The following GPHN variants were observed in gnomAD, a reference collection of about 807,000 sequenced individuals.
GPHN encodes gephyrin.
GPHN carries 17 observed loss-of-function variants against 95.5 expected under a neutral mutation model. That is an observed-to-expected ratio of 0.18 (90% CI 0.12 to 0.27). The LOEUF is 0.27. Among genes scored for constraint, GPHN ranks in the 10% least tolerant of loss-of-function variants. GPHN has a pLI of 1.00. For synonymous variants in GPHN, 320 were observed against 322.5 expected, an observed-to-expected ratio of 0.99 and a Z score of 0.08; for missense variants, 660 against 978.1, an observed-to-expected ratio of 0.67 and a Z score of 4.34.
the GPHN span, among the ~76,000 whole-genome samples, chr14:67,218,883 G>T: frequency 6.6e-6 from 1 of 152,026 alleles, no homozygotes; most frequent in Non-Finnish European, 1.5e-5. Flanking sequence ...GTGCAGCAGT[G>T]AGGGTTGGTT....
chr14:66,949,646 A>G (rs575690227), intron 8 of GPHN, among the ~76,000 whole-genome samples: 2 of 152,316 alleles, frequency 1.3e-5, no homozygotes, highest in South Asian at 4.1e-4. Context: ...CACTCTGATT[A>G]TTGTAAATTT....
the GPHN span, among the ~76,000 whole-genome samples, chr14:67,196,226 T>C: frequency 6.6e-6 from 1 of 151,080 alleles, no homozygotes; most frequent in Admixed American, 6.6e-5. Context: ...TTTCTTTCTT[T>C]TTTTTTTTTG....
chr14:67,220,509 A>G, the GPHN span, among the ~76,000 whole-genome samples: 1 of 152,188 alleles, frequency 6.6e-6, no homozygotes, highest in African/African-American at 2.4e-5. Flanking sequence ...CTAGTCTTTA[A>G]AATTTAAATT....
the GPHN span, among the ~76,000 whole-genome samples, chr14:67,456,510 G>A: frequency 1.3e-5 from 2 of 151,692 alleles, no homozygotes; most frequent in East Asian, 1.9e-4. Context: ...GCTGAGGCAG[G>A]AGAATCACTT....
the GPHN span, chr14:67,570,501 A>G: frequency 6.3e-6 from 1 of 158,952 alleles, no homozygotes; most frequent in Admixed American, 6.3e-5. Flanking sequence ...CAAAAGTGAA[A>G]TTTCCTCTCA....
rs41285536 is a variant in GPHN, at chr14:67,169,118, C to T, written c.2079+82C>T. On this transcript the variant is annotated intron_variant, in intron 21 of 22. Transcript: ENST00000478722. ...TGATTTCCTAACTGTCCAAAATAAA[C>T]ATCTAGAGTTTTCTATTAGTTTTGA... The T allele has an allele frequency of 0.029, 24,932 of 846,354 alleles. 473 individuals carry two copies. The highest frequency in any genetic ancestry group is 0.047 in the Middle Eastern group (217 of 4,582). The allele number at this position is 846,354 out of a possible 1,614,324, so 52.4% of individuals were successfully genotyped here.
At chr14:67,246,638 G>A in the GPHN span, among the ~76,000 whole-genome samples, 91 of 145,558 alleles carry the variant, frequency 6.3e-4, 1 homozygote, top group Non-Finnish European at 1.2e-3. Flanking sequence ...ACTGAGCCTG[G>A]CCTACTATAG....
the GPHN span, among the ~76,000 whole-genome samples, chr14:67,424,930 C>G: frequency 3.3e-5 from 5 of 152,198 alleles, no homozygotes; most frequent in African/African-American, 9.7e-5. Flanking sequence ...CAAGGCTGGT[C>G]CCTGGGAGGC....
the GPHN span, among the ~76,000 whole-genome samples, chr14:67,272,638 T>C: frequency 6.6e-6 from 1 of 152,166 alleles, no homozygotes. Context: ...AGATACTAAG[T>C]TCTACTGATT....
the GPHN span, among the ~76,000 whole-genome samples, chr14:67,455,988 C>T: frequency 1.3e-5 from 2 of 152,278 alleles, no homozygotes; most frequent in Admixed American, 6.5e-5. Flanking sequence ...AACTAAAGAG[C>T]TTCTACACAG....
intron 4 of GPHN, among the ~76,000 whole-genome samples, chr14:66,849,996 C>A (rs1043079272): frequency 2.6e-5 from 4 of 152,068 alleles, no homozygotes; most frequent in African/African-American, 9.7e-5. Context: ...AAAATACAAA[C>A]ACATTTCTTC....
At chr14:67,567,330 T>A in the GPHN span, among the ~76,000 whole-genome samples, 3 of 152,208 alleles carry the variant, frequency 2.0e-5, no homozygotes, top group African/African-American at 7.2e-5. Context: ...AAGCCCTTTT[T>A]TCAGTTAATC....
At chr14:66,946,121 A>G (rs1439148406) in intron 8 of GPHN, among the ~76,000 whole-genome samples, 3 of 152,170 alleles carry the variant, frequency 2.0e-5, no homozygotes, top group Admixed American at 6.5e-5. Context: ...GATACTTGAG[A>G]AATAATTTTT....
At chr14:66,830,213 C>CT (rs2061535274) in intron 4 of GPHN, among the ~76,000 whole-genome samples, 1 of 152,060 alleles carries the variant, frequency 6.6e-6, no homozygotes, top group African/African-American at 2.4e-5. Flanking sequence ...TATTTTCTCA[C>CT]TTTTACCTTT....
the GPHN span, among the ~76,000 whole-genome samples, chr14:67,342,691 A>C: frequency 1.3e-5 from 2 of 150,548 alleles, no homozygotes; most frequent in Admixed American, 1.3e-4. Flanking sequence ...TTAATATAAC[A>C]GTTAATATAT....
chr14:67,058,512 G>A, intron 10 of GPHN, 137 bp from the exon 11 acceptor site: 1 of 756,830 alleles, frequency 1.3e-6, no homozygotes, highest in Non-Finnish European at 2.3e-6. Context: ...GTATTTTGGA[G>A]GCAGGAGAAA....
intron 3 of GPHN, among the ~76,000 whole-genome samples, chr14:66,819,994 CTG>C (rs1220282591): frequency 6.6e-6 from 1 of 152,058 alleles, no homozygotes; most frequent in East Asian, 1.9e-4. Context: ...TTTGAAATAA[CTG>C]TTTTTTATTA....
the GPHN span, among the ~76,000 whole-genome samples, chr14:67,683,850 C>G: frequency 3.3e-5 from 5 of 152,204 alleles, no homozygotes; most frequent in Non-Finnish European, 1.5e-5. Flanking sequence ...CTTGCTTAAG[C>G]TAGACAAAGT....
At chr14:67,617,840 A>C in the GPHN span, among the ~76,000 whole-genome samples, 6 of 151,682 alleles carry the variant, frequency 4.0e-5, no homozygotes, top group Non-Finnish European at 7.4e-5. Context: ...CCTGCCTCAG[A>C]CTCCTGAGTA....
Sources: gnomAD v4.1 joint callset for allele counts (sites outside exome capture counted in the v4.1 genomes callset) on GRCh38, gnomAD v4.1.1 for gene constraint, MANE v1.5 for transcripts, NCBI Gene and HGNC (gene_info 2026-07-23, HGNC 2026-07-21) for gene names.